The following ANK3 variants were observed in gnomAD, a reference collection of about 807,000 sequenced individuals.
The protein encoded by ANK3 is ankyrin 3.
Under a neutral mutation model 370.9 loss-of-function variants are expected in ANK3, and 57 were observed. The ratio of observed to expected loss-of-function variants is 0.15; its 90% CI spans 0.12 to 0.19. The LOEUF (loss-of-function observed/expected upper bound fraction) is 0.19, where lower values mean the gene tolerates loss of function less well. Ranked by LOEUF, ANK3 falls within the 10% of genes least tolerant of loss-of-function variation. The probability of loss-of-function intolerance (pLI) is 1.00; values close to 1 mark genes in which losing one functional copy is unlikely to be tolerated. For synonymous variants in ANK3, 1,929 were observed against 1,946.3 expected (o/e 0.99, Z 0.23); for missense variants, 4,439 against 5,302.1 (o/e 0.84, Z 5.06).
rs76303641 is a variant in ANK3, at chr10:60,716,278, A to G, written c.57+16985T>C. Among the ~76,000 whole-genome samples the G allele has an allele frequency of 2.4e-3, 369 of 152,264 alleles. 1 individual carries two copies. The highest frequency in any genetic ancestry group is 4.1e-3 in the Non-Finnish European group (276 of 68,004). On this transcript the variant is annotated intron_variant, in intron 1 of 43. Transcript: ENST00000373827. The stretch of plus-strand genomic sequence containing the variant: ...AAACTGCTTAGGGGGAAACAAAAAC[A>G]TGTAGGAAAAAAATGATTGCTACAA...
At chr10:60,545,556 C>T (rs1266073399) in intron 2 of ANK3, among the ~76,000 whole-genome samples, 1 of 151,638 alleles carries the variant, frequency 6.6e-6, no homozygotes, top group Non-Finnish European at 1.5e-5. Flanking sequence ...AGCCTTCAAG[C>T]CTGCAAGTAT....
chr10:60,125,744 C>T (rs80102802), intron 25 of ANK3, among the ~76,000 whole-genome samples: 1,849 of 152,172 alleles, frequency 0.012, 37 homozygotes, highest in African/African-American at 0.042. Flanking sequence ...TGACTGTTAG[C>T]ATAGGCAGTC....
chr10:60,629,875 T>C (rs2078459576), intron 1 of ANK3, among the ~76,000 whole-genome samples: 1 of 152,178 alleles, frequency 6.6e-6, no homozygotes, highest in African/African-American at 2.4e-5. Flanking sequence ...CTTTCCCCAG[T>C]TGCAAAAGAT....
intron 2 of ANK3, among the ~76,000 whole-genome samples, chr10:60,532,403 C>T (rs2076626105): frequency 6.6e-6 from 1 of 152,104 alleles, no homozygotes; most frequent in African/African-American, 2.4e-5. Flanking sequence ...AATTGAGTGG[C>T]AAGGGTCCAG....
chr10:60,662,282 T>A (rs1258385818), intron 1 of ANK3, among the ~76,000 whole-genome samples: 1 of 152,188 alleles, frequency 6.6e-6, no homozygotes, highest in Non-Finnish European at 1.5e-5. Context: ...TATTGTGATC[T>A]GAAACATAGT....
intron 28 of ANK3, among the ~76,000 whole-genome samples, chr10:60,102,750 G>A (rs1383200636): frequency 4.6e-5 from 7 of 152,150 alleles, no homozygotes; most frequent in Non-Finnish European, 8.8e-5. Flanking sequence ...AAGATTTTCA[G>A]AGAAGAACCT....
At chr10:60,361,572 T>C (rs896702749) in intron 1 of ANK3, among the ~76,000 whole-genome samples, 6 of 152,246 alleles carry the variant, frequency 3.9e-5, no homozygotes, top group Admixed American at 1.3e-4. Context: ...GTATTTCATA[T>C]AGTTCAGTCA....
intron 24 of ANK3, among the ~76,000 whole-genome samples, chr10:60,138,350 A>G (rs540831607): frequency 6.6e-6 from 1 of 152,334 alleles, no homozygotes; most frequent in Non-Finnish European, 1.5e-5. Context: ...TTTCCCATAC[A>G]GAAGTTTTCC....
In ANK3 at chr10:60,616,636, C is replaced by CATGTCTAGCACATATAACAG. The variant is rs1555397524; in HGVS notation, c.58-1413_58-1412insCTGTTATATGTGCTAGACAT. Among the ~76,000 whole-genome samples, 271 of 152,218 alleles carry CATGTCTAGCACATATAACAG rather than the reference C, an allele frequency of 1.8e-3. 5 individuals carry two copies. Among genetic ancestry groups the CATGTCTAGCACATATAACAG allele is most frequent in the Non-Finnish European group, 8.5e-4 (58 of 67,984 alleles). On this transcript the variant is annotated intron_variant, in intron 1 of 43. Transcript: ENST00000373827. ...ATACATTTTTGTCTAGCACATCTAACATTGTAATAATCTCCTTGCACAAAA... is the reference window on the plus strand; with the variant it reads ...ATACATTTTTGTCTAGCACATCTAACATGTCTAGCACATATAACAGATTGTAATAATCTCCTTGCACAAAA...
intron 1 of ANK3, among the ~76,000 whole-genome samples, chr10:60,726,466 C>G (rs2079942458): frequency 6.6e-6 from 1 of 152,108 alleles, no homozygotes; most frequent in Non-Finnish European, 1.5e-5. Context: ...CATCATGTAC[C>G]AAGTGCTCTA....
At chr10:60,382,516 A>G (rs1229752926) in intron 1 of ANK3, among the ~76,000 whole-genome samples, 1 of 152,044 alleles carries the variant, frequency 6.6e-6, no homozygotes, top group Non-Finnish European at 1.5e-5. Context: ...GGACGATCCC[A>G]TTTCATGACT....
chr10:60,081,559 G>A, intron 35 of ANK3: 1 of 425,092 alleles, frequency 2.4e-6, no homozygotes, highest in Non-Finnish European at 4.6e-6. Context: ...TTTAGTGAGA[G>A]TATCAAAGAT....
intron 1 of ANK3, among the ~76,000 whole-genome samples, chr10:60,722,864 T>C (rs2079883947): frequency 1.3e-5 from 2 of 152,154 alleles, no homozygotes; most frequent in Non-Finnish European, 2.9e-5. Context: ...TCCAGCAAAA[T>C]TGGAAGCTTC....
chr10:60,273,936 T>G (rs1259121617), intron 4 of ANK3, among the ~76,000 whole-genome samples: 1 of 152,214 alleles, frequency 6.6e-6, no homozygotes, highest in Admixed American at 6.5e-5. Flanking sequence ...CTTCTTTCCT[T>G]TATAAATTAC....
At chr10:60,306,141 T>C (rs1374892762) in intron 1 of ANK3, among the ~76,000 whole-genome samples, 1 of 152,076 alleles carries the variant, frequency 6.6e-6, no homozygotes, top group African/African-American at 2.4e-5. Context: ...TCTGAGATTT[T>C]GGTGCACCCG....
chr10:60,733,293 G>A (rs879340331), exon 1 of ANK3: 5 of 1,238,026 alleles, frequency 4.0e-6, no homozygotes, highest in Non-Finnish European at 5.0e-6. Flanking sequence ...CGGTGCCCGC[G>A]GGAGAGGAGG....
intron 7 of ANK3, among the ~76,000 whole-genome samples, chr10:60,250,414 G>T: frequency 6.6e-6 from 1 of 152,078 alleles, no homozygotes; most frequent in Non-Finnish European, 1.5e-5. Context: ...GCCCAGGCTG[G>T]AGTGCAGTGG....
intron 1 of ANK3, among the ~76,000 whole-genome samples, chr10:60,375,378 C>T (rs1055532279): frequency 3.3e-5 from 5 of 152,094 alleles, no homozygotes; most frequent in Non-Finnish European, 7.3e-5. Flanking sequence ...ACCAGAATCA[C>T]TAGAACTGAA....
chr10:60,093,906 T>C (rs73255295), intron 28 of ANK3, among the ~76,000 whole-genome samples: 3 of 152,342 alleles, frequency 2.0e-5, no homozygotes, highest in African/African-American at 4.8e-5. Flanking sequence ...AGGGACCCTC[T>C]GTGTTGTGTT....
Sources: allele counts gnomAD v4.1 joint callset (sites outside exome capture counted in the v4.1 genomes callset), GRCh38; gene constraint gnomAD v4.1.1; transcripts MANE v1.5; gene names NCBI Gene and HGNC (gene_info 2026-07-23, HGNC 2026-07-21).